The following WNT7A variants were observed in gnomAD, a reference collection of about 807,000 sequenced individuals.
The protein encoded by WNT7A is Wnt family member 7A.
A neutral mutation model predicts 28.2 loss-of-function variants in WNT7A; 16 were observed. The observed-to-expected ratio is 0.57, with a 90% CI of 0.38 to 0.86. The LOEUF is 0.86. Ranked by LOEUF, WNT7A falls within the 40% of genes least tolerant of loss-of-function variation. WNT7A has a pLI of 0.00. For missense variants in WNT7A, 411 were observed against 489.7 expected (o/e 0.84, Z 1.52); for synonymous variants, 190 against 195.9 (o/e 0.97, Z 0.25).
chr3:13,829,649 T>C (rs1206029942), intron 3 of WNT7A, among the ~76,000 whole-genome samples: 1 of 151,842 alleles, frequency 6.6e-6, no homozygotes, highest in Admixed American at 6.6e-5. Context: ...TGAGTCTCAG[T>C]TTTCCTTACC....
At chr3:13,874,125 G>T (rs975125938) in intron 2 of WNT7A, among the ~76,000 whole-genome samples, 1 of 152,088 alleles carries the variant, frequency 6.6e-6, no homozygotes, top group African/African-American at 2.4e-5. Flanking sequence ...AGGAGGAGGC[G>T]GCAGGATACC....
intron 2 of WNT7A, among the ~76,000 whole-genome samples, chr3:13,856,975 AAGAAGAAGAAGG>A (rs1559303413): frequency 0.015 from 1,450 of 95,502 alleles, 38 homozygotes; most frequent in African/African-American, 0.071. Flanking sequence ...GAAGGAGAAG[AAGAAGAAGAAGG>A]AGAAGAAGAA....
intron 2 of WNT7A, among the ~76,000 whole-genome samples, chr3:13,862,072 C>A (rs1218206090): frequency 6.6e-6 from 1 of 152,254 alleles, no homozygotes; most frequent in Admixed American, 6.5e-5. Flanking sequence ...CAAGCAAGGA[C>A]TCTGCCTCTC....
intron 3 of WNT7A, among the ~76,000 whole-genome samples, chr3:13,848,247 C>A (rs1047747440): frequency 6.6e-6 from 1 of 152,152 alleles, no homozygotes; most frequent in Non-Finnish European, 1.5e-5. Context: ...AGGTTAAACA[C>A]TTTTACTCTG....
intron 1 of WNT7A, chr3:13,877,359 C>A (rs1280075466): frequency 1.3e-5 from 2 of 152,252 alleles, no homozygotes; most frequent in Non-Finnish European, 2.9e-5. Flanking sequence ...ACTGGCATCT[C>A]AGCGCTAAAC....
rs1271097651 is a variant in WNT7A, at chr3:13,856,875, GAAGAGGAAGAAGAAGAAA to G, written c.299-2090_299-2073del. Among the ~76,000 whole-genome samples the G allele has an allele frequency of 2.4e-3, 306 of 127,148 alleles. 1 individual carries two copies. The highest frequency in any genetic ancestry group is 0.012 in the Middle Eastern group (3 of 254). The allele number at this position is 127,148 out of a possible 152,430, so 83.4% of individuals were successfully genotyped here. On this transcript the variant is annotated intron_variant, in intron 2 of 3. Transcript: ENST00000285018. ...GGAAGAAGAGGAAGAGGAAGAGGAAGAAGAGGAAGAAGAAGAAAAAGAAGAAGAAGAAGAAGAAGAAGA... is the reference window on the plus strand; with the variant it reads ...GGAAGAAGAGGAAGAGGAAGAGGAAGAAGAAGAAGAAGAAGAAGAAGAAGA...
At chr3:13,875,278 G>A (rs1008607448) in intron 1 of WNT7A, 105 bp from the exon 2 acceptor site, 2 of 1,188,560 alleles carry the variant, frequency 1.7e-6, no homozygotes, top group South Asian at 1.3e-5. Flanking sequence ...GCCCCCAGCA[G>A]TGGTCTCCCA....
chr3:13,834,103 TC>T (rs1694326242), intron 3 of WNT7A, among the ~76,000 whole-genome samples: 1 of 152,114 alleles, frequency 6.6e-6, no homozygotes, highest in Non-Finnish European at 1.5e-5. Flanking sequence ...CCCAGAAGTT[TC>T]CCCCACAGCC....
intron 2 of WNT7A, chr3:13,863,910 G>A (rs1485726386): frequency 6.6e-6 from 1 of 152,204 alleles, no homozygotes; most frequent in Non-Finnish European, 1.5e-5. Flanking sequence ...ACCTTGGGGA[G>A]AGGAGAGAGC....
In WNT7A at chr3:13,854,677, T is replaced by C; in HGVS notation, c.425A>G (p.His142Arg). The C allele has an allele frequency of 6.2e-7, 1 of 1,614,160 alleles. No homozygotes were observed. ...ACCCCACTTCCAGCCCTCGTCCCGG[T>C]GGTACTGGCCTTGCTTCTCTTTGTC... Reference protein sequence around the residue: ...GCDKEKQGQYHRDEGWKWGGC... With the variant: ...GCDKEKQGQYRRDEGWKWGGC... Residue 142 changes from histidine (H) to arginine (R), a missense_variant, in exon 3 of 4, where the codon CAC (histidine) becomes CGC (arginine). Transcript: ENST00000285018.
intron 2 of WNT7A, among the ~76,000 whole-genome samples, chr3:13,866,994 T>C (rs750876354): frequency 1.3e-5 from 2 of 152,046 alleles, no homozygotes; most frequent in Non-Finnish European, 2.9e-5. Context: ...AGAGTCAAAA[T>C]GGTCAGCTTA....
chr3:13,871,682 T>A (rs1427479737), intron 2 of WNT7A, among the ~76,000 whole-genome samples: 1 of 152,062 alleles, frequency 6.6e-6, no homozygotes. Flanking sequence ...CAGGTCTCCA[T>A]GGCTATCACT....
intron 1 of WNT7A, chr3:13,877,351 T>C (rs9815077): frequency 0.27 from 41,216 of 152,026 alleles, 6,889 homozygotes; most frequent in African/African-American, 0.47. Context: ...GGCTTTGCAC[T>C]GGCATCTCAG....
In WNT7A at chr3:13,818,748, T is replaced by C. The variant is rs1400194115; in HGVS notation, c.*196A>G. Reference sequence around the variant, plus strand: ...GTGTCTGGGGGAGGGTGGAGCAGCATTGGGTGTGGAACAGAATAGTTGAGG... The same window carrying C: ...GTGTCTGGGGGAGGGTGGAGCAGCACTGGGTGTGGAACAGAATAGTTGAGG... On this transcript the variant is annotated 3_prime_UTR_variant, in exon 4 of 4. Transcript: ENST00000285018. 1.8e-5 allele frequency: 14 copies of C among 782,418 alleles called. No individual in the cohort carries two copies. The highest frequency in any genetic ancestry group is 1.2e-4 in the East Asian group (4 of 33,814). The allele number at this position is 782,418 out of a possible 1,614,324, so 48.5% of individuals were successfully genotyped here.
intron 2 of WNT7A, among the ~76,000 whole-genome samples, chr3:13,871,876 T>A (rs567405165): frequency 6.6e-6 from 1 of 152,198 alleles, no homozygotes; most frequent in South Asian, 2.1e-4. Context: ...TGAAGGGAAA[T>A]CCAGACCCCC....
intron 2 of WNT7A, among the ~76,000 whole-genome samples, chr3:13,868,586 G>A (rs1198393682): frequency 0.011 from 147 of 13,610 alleles, 13 homozygotes; most frequent in African/African-American, 0.022. Context: ...GAGAGAGAGA[G>A]AGAGGGAGAA....
In WNT7A at chr3:13,874,943, A is replaced by G. The variant is rs1384783656; in HGVS notation, c.298+4T>C. ...TCTGCGGGGGTGTTTGGGTGAGCAC[A>G]TACCCACTTTGAGCTCCTTCCCGAA... On this transcript the variant is annotated splice_donor_region_variant and intron_variant, in intron 2 of 3. Transcript: ENST00000285018. 6.2e-7 allele frequency: 1 copy of G among 1,613,686 alleles called. No individual in the cohort carries two copies. The highest frequency in any genetic ancestry group is 8.5e-7 in the Non-Finnish European group (1 of 1,179,948).
intron 3 of WNT7A, among the ~76,000 whole-genome samples, chr3:13,841,699 C>T (rs1398790857): frequency 1.3e-5 from 2 of 152,192 alleles, no homozygotes; most frequent in Non-Finnish European, 2.9e-5. Flanking sequence ...CTGTCTGGGC[C>T]TGTGCCGTTC....
intron 3 of WNT7A, among the ~76,000 whole-genome samples, chr3:13,851,137 C>G (rs1352292742): frequency 1.3e-5 from 2 of 152,216 alleles, no homozygotes; most frequent in Non-Finnish European, 2.9e-5. Flanking sequence ...GAGGCTCCTG[C>G]TGGGTTTAGG....
Sources: allele counts gnomAD v4.1 joint callset (sites outside exome capture counted in the v4.1 genomes callset), GRCh38; gene constraint gnomAD v4.1.1; transcripts MANE v1.5; gene names NCBI Gene and HGNC (gene_info 2026-07-23, HGNC 2026-07-21).